Variants in CCSER1 observed in about 807,000 individuals in gnomAD.
The protein encoded by CCSER1 is coiled-coil serine rich protein 1.
CCSER1 carries 41 observed loss-of-function variants against 82.0 expected under a neutral mutation model. The ratio of observed to expected loss-of-function variants is 0.50; its 90% CI spans 0.39 to 0.65. The LOEUF (loss-of-function observed/expected upper bound fraction) is 0.65, where lower values mean the gene tolerates loss of function less well. Ranked by LOEUF, CCSER1 falls within the 30% of genes least tolerant of loss-of-function variation. CCSER1 has a pLI of 0.00. For synonymous variants in CCSER1, 414 were observed against 383.9 expected, an observed-to-expected ratio of 1.08 and a Z score of -0.92; for missense variants, 1,119 against 1,064.2, an observed-to-expected ratio of 1.05 and a Z score of -0.72.
intron 8 of CCSER1, among the ~76,000 whole-genome samples, chr4:90,847,507 T>G (rs928736249): frequency 6.6e-6 from 1 of 152,172 alleles, no homozygotes; most frequent in Non-Finnish European, 1.5e-5. Context: ...ACGTATCAGT[T>G]TTTTTTATTG....
chr4:91,297,425 T>TGTGTGTGTGTGTGTGTG (rs1744302631), intron 10 of CCSER1, among the ~76,000 whole-genome samples: 2 of 111,326 alleles, frequency 1.8e-5, no homozygotes, highest in Non-Finnish European at 3.9e-5. Flanking sequence ...GTGTGTGTGT[T>TGTGTGTGTGTGTGTGTG]AGGGAGACAG....
In CCSER1 at chr4:90,822,443, T is replaced by C. The variant is rs150533887; in HGVS notation, c.2094+6598T>C. ...GTCTATTTCTGTAAAAACATATGTG[T>C]TTTGGCTGGGCCTGGTGACTCACGC... On this transcript the variant is annotated intron_variant, in intron 8 of 10. Coordinates refer to ENST00000509176, the MANE Select transcript of CCSER1 (RefSeq NM_001145065.2). Among the ~76,000 whole-genome samples, 224 of 152,228 alleles carry C rather than the reference T, an allele frequency of 1.5e-3. 2 individuals carry two copies. The East Asian group carries it at 0.023, about 15-fold the overall frequency.
intron 8 of CCSER1, among the ~76,000 whole-genome samples, chr4:90,898,346 G>A (rs1259401758): frequency 8.7e-5 from 11 of 127,120 alleles, no homozygotes; most frequent in Non-Finnish European, 1.4e-4. Context: ...GTAATAGCAC[G>A]ATCTCAGCTC....
At chr4:90,294,466 C>G (rs1418634866) in intron 1 of CCSER1, among the ~76,000 whole-genome samples, 1 of 151,926 alleles carries the variant, frequency 6.6e-6, no homozygotes, top group Non-Finnish European at 1.5e-5. Context: ...GTTATTAAAA[C>G]ACTAGGAATT....
intron 6 of CCSER1, among the ~76,000 whole-genome samples, chr4:90,701,880 C>G (rs1158414357): frequency 2.0e-5 from 3 of 152,112 alleles, no homozygotes; most frequent in Non-Finnish European, 4.4e-5. Flanking sequence ...TGGGTTGAGA[C>G]GATGGGGTTT....
intron 1 of CCSER1, among the ~76,000 whole-genome samples, chr4:90,204,821 A>G (rs1364701498): frequency 6.6e-6 from 1 of 152,234 alleles, no homozygotes; most frequent in Non-Finnish European, 1.5e-5. Context: ...CTTCCTATCC[A>G]TGAGCATGGG....
At chr4:91,074,340 G>T (rs1489430725) in intron 9 of CCSER1, among the ~76,000 whole-genome samples, 6 of 152,280 alleles carry the variant, frequency 3.9e-5, no homozygotes, top group Non-Finnish European at 4.4e-5. Context: ...AACTGAAATA[G>T]TAATGAGTCT....
intron 8 of CCSER1, among the ~76,000 whole-genome samples, chr4:90,889,813 A>T (rs1294576677): frequency 6.6e-6 from 1 of 152,192 alleles, no homozygotes; most frequent in Non-Finnish European, 1.5e-5. Flanking sequence ...TAATCTTTTA[A>T]TGTTTTCTTT....
chr4:90,652,298 G>A (rs943923825), intron 6 of CCSER1, among the ~76,000 whole-genome samples: 1 of 152,122 alleles, frequency 6.6e-6, no homozygotes, highest in Non-Finnish European at 1.5e-5. Context: ...GTCACATGTT[G>A]CTACTGGAAT....
chr4:91,221,020 A>C (rs62311964), intron 10 of CCSER1, among the ~76,000 whole-genome samples: 8,785 of 152,200 alleles, frequency 0.058, 490 homozygotes, highest in African/African-American at 0.15. Flanking sequence ...AATAAACTAA[A>C]ATCTCTAGGG....
chr4:91,560,499 AT>A lies in CCSER1; in HGVS notation c.2218-38070del, dbSNP rs371767975. ...ACAATTTTCTCCCCATGGATGGAAC[AT>A]TTGTTCATTAATAGCTGGCAGGCTA... On this transcript the variant is annotated intron_variant, in intron 10 of 10. Coordinates refer to ENST00000509176, the MANE Select transcript of CCSER1 (RefSeq NM_001145065.2). 8.0e-4 allele frequency among the ~76,000 whole-genome samples: 121 copies of A among 151,610 alleles called. No homozygotes were observed. In the Middle Eastern group the frequency reaches 0.02, roughly 26 times the overall value.
intron 6 of CCSER1, among the ~76,000 whole-genome samples, chr4:90,699,253 C>T (rs535500503): frequency 6.6e-6 from 1 of 152,166 alleles, no homozygotes; most frequent in African/African-American, 2.4e-5. Context: ...CACTTGAGGC[C>T]AGGAGTTCAA....
chr4:90,423,985 G>A (rs1757137794), intron 4 of CCSER1, among the ~76,000 whole-genome samples: 1 of 151,090 alleles, frequency 6.6e-6, no homozygotes, highest in Non-Finnish European at 1.5e-5. Context: ...CAGCTACTCG[G>A]GAGGCTGAGG....
chr4:90,690,838 A>G (rs1051333683), intron 6 of CCSER1, among the ~76,000 whole-genome samples: 3 of 152,206 alleles, frequency 2.0e-5, no homozygotes, highest in East Asian at 3.9e-4. Flanking sequence ...ATTACATCAC[A>G]TAGACCATGA....
chr4:90,575,876 A>T (rs555050675), intron 5 of CCSER1, among the ~76,000 whole-genome samples: 17 of 152,086 alleles, frequency 1.1e-4, no homozygotes, highest in African/African-American at 3.9e-4. Context: ...TTGTTTATAC[A>T]CTTCTGTCTT....
chr4:90,875,184 A>G (rs1211193186), intron 8 of CCSER1, among the ~76,000 whole-genome samples: 1 of 152,158 alleles, frequency 6.6e-6, no homozygotes, highest in Non-Finnish European at 1.5e-5. Context: ...AGCAGCCTTT[A>G]TCAGCTTGGC....
intron 10 of CCSER1, among the ~76,000 whole-genome samples, chr4:91,270,882 A>C (rs1741971855): frequency 6.6e-6 from 1 of 152,186 alleles, no homozygotes; most frequent in African/African-American, 2.4e-5. Flanking sequence ...GCTATGAAAC[A>C]CTGAAAAAAA....
chr4:90,239,789 T>C (rs1385385612), intron 1 of CCSER1, among the ~76,000 whole-genome samples: 1 of 152,216 alleles, frequency 6.6e-6, no homozygotes, highest in East Asian at 1.9e-4. Flanking sequence ...TCTGTATTTT[T>C]ATTTGTTCTT....
In CCSER1 at chr4:90,195,135, C is replaced by G. The variant is rs551807184; in HGVS notation, c.-42+67304C>G. 3.3e-5 allele frequency among the ~76,000 whole-genome samples: 5 copies of G among 152,152 alleles called. No individual in the cohort carries two copies. In the South Asian group the frequency reaches 8.3e-4, roughly 25 times the overall value. On this transcript the variant is annotated intron_variant, in intron 1 of 10. Transcript: ENST00000509176. ...AAGGAACTGAAAGCTTGTATTCACA[C>G]AGAAACCTGTACATGGATAGTTATA...
Sources: gnomAD v4.1 joint callset for allele counts (sites outside exome capture counted in the v4.1 genomes callset) on GRCh38, gnomAD v4.1.1 for gene constraint, MANE v1.5 for transcripts, NCBI Gene and HGNC (gene_info 2026-07-23, HGNC 2026-07-21) for gene names.